PRKCE: variants seen among roughly 807,000 people sequenced by gnomAD.
PRKCE encodes protein kinase C epsilon type.
In PRKCE, 16 loss-of-function variants were observed where a neutral mutation model predicts 85.4. The ratio of observed to expected loss-of-function variants is 0.19; its 90% CI spans 0.13 to 0.28. The LOEUF is 0.28. Ranked by LOEUF, PRKCE falls within the 10% of genes least tolerant of loss-of-function variation. The pLI, the probability that PRKCE is intolerant of heterozygous loss-of-function variation, is 1.00. For missense variants in PRKCE, 573 were observed against 975.2 expected (o/e 0.59, Z 5.49); for synonymous variants, 388 against 371.5 (o/e 1.04, Z -0.51).
chr2:45,787,906 G>A (rs188829527), intron 1 of PRKCE, among the ~76,000 whole-genome samples: 6 of 152,180 alleles, frequency 3.9e-5, no homozygotes, highest in African/African-American at 1.2e-4. Flanking sequence ...AGAGCATTGC[G>A]ATCCTGCCAG....
At chr2:45,884,898 C>G (rs1488057370) in intron 2 of PRKCE, among the ~76,000 whole-genome samples, 1 of 148,064 alleles carries the variant, frequency 6.8e-6, no homozygotes, top group Non-Finnish European at 1.5e-5. Flanking sequence ...CATATACACA[C>G]GGACACAGAC....
chr2:45,766,465 C>G (rs898963141), intron 1 of PRKCE, among the ~76,000 whole-genome samples: 3 of 152,050 alleles, frequency 2.0e-5, no homozygotes, highest in Non-Finnish European at 4.4e-5. Context: ...CTTCTATTTC[C>G]CTTTGGGTTA....
At chr2:46,049,950 C>T (rs1035868633) in intron 10 of PRKCE, among the ~76,000 whole-genome samples, 10 of 152,178 alleles carry the variant, frequency 6.6e-5, no homozygotes, top group Non-Finnish European at 1.2e-4. Context: ...TGAGAGGTAC[C>T]CCCAGCATGG....
intron 2 of PRKCE, among the ~76,000 whole-genome samples, chr2:45,893,613 C>T (rs1463636489): frequency 6.6e-6 from 1 of 151,874 alleles, no homozygotes; most frequent in African/African-American, 2.4e-5. Context: ...CCGCCCGCCT[C>T]AGCCTCCCAA....
At chr2:46,093,928 G>T (rs1396988760) in intron 11 of PRKCE, among the ~76,000 whole-genome samples, 1 of 151,984 alleles carries the variant, frequency 6.6e-6, no homozygotes, top group East Asian at 1.9e-4. Flanking sequence ...CAGTTATGTG[G>T]TATGCTATAG....
At chr2:46,062,809 A>G (rs529396545) in intron 10 of PRKCE, among the ~76,000 whole-genome samples, 10 of 150,876 alleles carry the variant, frequency 6.6e-5, no homozygotes, top group African/African-American at 2.4e-4. Flanking sequence ...GAGTAGTTAC[A>G]GTGGAGACGT....
chr2:46,119,671 A>G (rs1673125642), intron 11 of PRKCE, among the ~76,000 whole-genome samples: 1 of 152,198 alleles, frequency 6.6e-6, no homozygotes, highest in Non-Finnish European at 1.5e-5. Flanking sequence ...TCTGCTTAGC[A>G]AGTGAAGAAA....
chr2:46,007,414 G>T, intron 8 of PRKCE, 48 bp from the exon 9 acceptor site: 1 of 1,578,612 alleles, frequency 6.3e-7, no homozygotes, highest in Non-Finnish European at 8.6e-7. Context: ...AATGTAACAG[G>T]CTTAAGAGGT....
intron 14 of PRKCE, among the ~76,000 whole-genome samples, chr2:46,170,938 T>C (rs1426248677): frequency 6.6e-6 from 1 of 152,254 alleles, no homozygotes; most frequent in African/African-American, 2.4e-5. Flanking sequence ...GTTTCTTCTT[T>C]GGATACCAAA....
At chr2:46,006,998 G>A (rs1173993528) in intron 8 of PRKCE, among the ~76,000 whole-genome samples, 1 of 152,238 alleles carries the variant, frequency 6.6e-6, no homozygotes, top group Middle Eastern at 3.2e-3. Flanking sequence ...CCACCGTTCT[G>A]ATGGCTCAGT....
At chr2:46,121,127 CTT>C (rs1208805890) in intron 11 of PRKCE, among the ~76,000 whole-genome samples, 1 of 152,192 alleles carries the variant, frequency 6.6e-6, no homozygotes, top group Admixed American at 6.5e-5. Flanking sequence ...CCAAACCAAA[CTT>C]TTTAAAATGT....
intron 5 of PRKCE, among the ~76,000 whole-genome samples, chr2:45,981,405 T>C (rs185137176): frequency 2.0e-5 from 3 of 152,348 alleles, no homozygotes; most frequent in African/African-American, 7.2e-5. Context: ...TATAGAGACT[T>C]CTACCTGCTT....
Position 46,004,736 on chromosome 2 carries a change from G to A in PRKCE, c.1063+98G>A, listed in dbSNP as rs1047383856. The A allele has an allele frequency of 4.9e-6, 5 of 1,027,928 alleles. No homozygotes were observed. The African/African-American group carries it at 7.9e-5, about 16-fold the overall frequency. The allele number at this position is 1,027,928 out of a possible 1,614,324, so 63.7% of individuals were successfully genotyped here. On this transcript the variant is annotated intron_variant, in intron 8 of 14. Transcript: ENST00000306156. This position sits in a 1 kb window ranked among gnomAD's most constrained non-coding sequence, Gnocchi z 4.1. ...TTAACCAAGAGTGAGCTTGTTAGCT[G>A]AAATAGCTAGCAGCCCTGGTGGGTT...
chr2:46,091,322 A>G (rs549454241), intron 11 of PRKCE, among the ~76,000 whole-genome samples: 3 of 152,268 alleles, frequency 2.0e-5, no homozygotes, highest in Non-Finnish European at 4.4e-5. Flanking sequence ...GATTCAGGGA[A>G]ATTCCTCCTC....
chr2:45,908,658 G>A (rs1352011778), intron 2 of PRKCE, among the ~76,000 whole-genome samples: 1 of 152,134 alleles, frequency 6.6e-6, no homozygotes, highest in African/African-American at 2.4e-5. Context: ...CAAAAGCCAT[G>A]ACTCATTGTG....
intron 10 of PRKCE, among the ~76,000 whole-genome samples, chr2:46,083,192 C>A (rs1669267613): frequency 1.3e-5 from 2 of 152,198 alleles, no homozygotes; most frequent in Admixed American, 1.3e-4. Context: ...CTCAAGTGAT[C>A]TGCCTACCTC....
intron 1 of PRKCE, among the ~76,000 whole-genome samples, chr2:45,680,716 A>G (rs887122212): frequency 6.6e-6 from 1 of 152,222 alleles, no homozygotes; most frequent in Non-Finnish European, 1.5e-5. Flanking sequence ...AAATGCACCT[A>G]TTGTAGAGTC....
At chr2:45,935,228 A>C (rs1393803340) in intron 2 of PRKCE, among the ~76,000 whole-genome samples, 1 of 152,194 alleles carries the variant, frequency 6.6e-6, no homozygotes, top group Non-Finnish European at 1.5e-5. Flanking sequence ...TTCAGTTTGA[A>C]TATTGTTAGT....
chr2:45,914,343 A>C (rs371762743), intron 2 of PRKCE, among the ~76,000 whole-genome samples: 73 of 152,332 alleles, frequency 4.8e-4, no homozygotes, highest in African/African-American at 1.7e-3. Context: ...AGGGATGAGC[A>C]AGCTCTGTTT....
Sources: gnomAD v4.1 joint callset for allele counts (sites outside exome capture counted in the v4.1 genomes callset) on GRCh38, gnomAD v4.1.1 for gene constraint, Gnocchi (gnomAD v3.1) non-coding constraint, MANE v1.5 for transcripts, NCBI Gene and HGNC (gene_info 2026-07-23, HGNC 2026-07-21) for gene names.